Variants in DPP4 observed in about 807,000 individuals in gnomAD.
DPP4 encodes dipeptidyl peptidase 4.
In DPP4, 93 loss-of-function variants were observed where a neutral mutation model predicts 122.4. That is an observed-to-expected ratio of 0.76 (90% CI 0.64 to 0.90). The LOEUF (loss-of-function observed/expected upper bound fraction) is 0.90, where lower values mean the gene tolerates loss of function less well. Among genes scored for constraint, DPP4 ranks in the 40% least tolerant of loss-of-function variants. The probability of loss-of-function intolerance (pLI) is 0.00; values close to 1 mark genes in which losing one functional copy is unlikely to be tolerated. For missense variants in DPP4, 914 were observed against 907.3 expected (o/e 1.01, Z -0.09); for synonymous variants, 321 against 302.9 (o/e 1.06, Z -0.62).
chr2:162,007,448 T>TA (rs984914575), intron 22 of DPP4, among the ~76,000 whole-genome samples: 4 of 152,070 alleles, frequency 2.6e-5, no homozygotes, highest in South Asian at 2.1e-4. Context: ...TGTAAACTTT[T>TA]AAAAAAATAT....
In DPP4 at chr2:162,073,692, A is replaced by C; in HGVS notation, c.7-206T>G. The C allele has an allele frequency of 4.5e-6, 3 of 659,600 alleles. No individual in the cohort carries two copies. In the South Asian group the frequency reaches 5.7e-5, roughly 13 times the overall value. The allele number at this position is 659,600 out of a possible 1,614,324, so 40.9% of individuals were successfully genotyped here. A position where few individuals can be genotyped will look rare whatever the true frequency, so the allele number is the denominator to read the frequency against. ...GGTGCCCTTGAACTTGTGCCTTCAGAGCACATTAGCGTTGGTTTCTCTACC... is the reference window on the plus strand; with the variant it reads ...GGTGCCCTTGAACTTGTGCCTTCAGCGCACATTAGCGTTGGTTTCTCTACC... On this transcript the variant is annotated intron_variant, in intron 1 of 25. Coordinates refer to ENST00000360534, the MANE Select transcript of DPP4 (RefSeq NM_001935.4).
At chr2:162,066,269 A>C (rs1316235143) in intron 2 of DPP4, among the ~76,000 whole-genome samples, 1 of 149,426 alleles carries the variant, frequency 6.7e-6, no homozygotes, top group Non-Finnish European at 1.5e-5. Flanking sequence ...TTTTAAACTT[A>C]TTTTCACCTC....
intron 3 of DPP4, among the ~76,000 whole-genome samples, 169 bp downstream of exon 3, chr2:162,047,234 C>G (rs1312168714): frequency 2.0e-5 from 3 of 151,902 alleles, no homozygotes; most frequent in Non-Finnish European, 4.4e-5. Flanking sequence ...TACTTGGGTT[C>G]CTTTCAGTCT....
At chr2:162,073,748 G>A (rs1380181626) in intron 1 of DPP4, among the ~76,000 whole-genome samples, 1 of 152,230 alleles carries the variant, frequency 6.6e-6, no homozygotes, top group African/African-American at 2.4e-5. Flanking sequence ...CGTTCTGTGA[G>A]TGGCTCTCCG....
intron 10 of DPP4, among the ~76,000 whole-genome samples, chr2:162,027,555 A>G (rs575557012): frequency 6.6e-4 from 101 of 152,252 alleles, no homozygotes; most frequent in African/African-American, 2.3e-3. Flanking sequence ...TGACATACAT[A>G]CAACATCTGA....
chr2:162,047,127 A>G, intron 3 of DPP4, 121 bp from the exon 4 acceptor site: 1 of 608,420 alleles, frequency 1.6e-6, no homozygotes, highest in Non-Finnish European at 2.9e-6. Flanking sequence ...AAGTTGAGAA[A>G]ACATGAATGA....
intron 23 of DPP4, 49 bp downstream of exon 23, chr2:162,005,696 A>T (rs1356411838): frequency 6.7e-7 from 1 of 1,491,734 alleles, no homozygotes; most frequent in Non-Finnish European, 9.2e-7. Context: ...AAGGTTCTTA[A>T]ACCACTTATA....
chr2:162,033,862 G>GTGTATATATA (rs1184597685), intron 9 of DPP4, among the ~76,000 whole-genome samples: 67 of 104,026 alleles, frequency 6.4e-4, no homozygotes, highest in Non-Finnish European at 9.3e-4. Context: ...CAGAATATGT[G>GTGTATATATA]TATATATATA....
chr2:162,013,424 T>C (rs915862654), intron 19 of DPP4, among the ~76,000 whole-genome samples: 2 of 152,156 alleles, frequency 1.3e-5, no homozygotes, highest in Non-Finnish European at 2.9e-5. Context: ...ATGTATCTTT[T>C]CCTTTCTTTG....
chr2:162,067,401 A>G (rs1684983916), intron 2 of DPP4, among the ~76,000 whole-genome samples: 1 of 152,056 alleles, frequency 6.6e-6, no homozygotes, highest in Admixed American at 6.6e-5. Context: ...TACTCCCTCT[A>G]CCTCAGTTAT....
At chr2:162,068,454 G>A (rs1685017751) in intron 2 of DPP4, among the ~76,000 whole-genome samples, 2 of 152,126 alleles carry the variant, frequency 1.3e-5, no homozygotes, top group Non-Finnish European at 2.9e-5. Flanking sequence ...ATAGTCATTG[G>A]AGCCAGCCTC....
intron 2 of DPP4, among the ~76,000 whole-genome samples, chr2:162,062,197 G>A (rs577985961): frequency 6.2e-4 from 95 of 152,162 alleles, no homozygotes; most frequent in African/African-American, 2.2e-3. Flanking sequence ...CGGGAGAATC[G>A]CTTGAAACTG....
chr2:161,999,977 G>T (rs1412182654), intron 23 of DPP4, among the ~76,000 whole-genome samples: 1 of 152,138 alleles, frequency 6.6e-6, no homozygotes, highest in Non-Finnish European at 1.5e-5. Flanking sequence ...AACTCATACT[G>T]CTGGTAAGTG....
chr2:162,028,386 C>T (rs754636561), intron 10 of DPP4, among the ~76,000 whole-genome samples: 1 of 152,134 alleles, frequency 6.6e-6, no homozygotes, highest in Non-Finnish European at 1.5e-5. Flanking sequence ...AAGCCAATGG[C>T]TCAATTGTAC....
chr2:162,017,455 C>T, intron 16 of DPP4: 1 of 320,852 alleles, frequency 3.1e-6, no homozygotes, highest in Non-Finnish European at 5.7e-6. Context: ...ACTTAATATA[C>T]TCATCTGCAA....
chr2:162,062,089 CA>C (rs946935770), intron 2 of DPP4, among the ~76,000 whole-genome samples: 3 of 132,142 alleles, frequency 2.3e-5, no homozygotes, highest in African/African-American at 8.6e-5. Context: ...GCCAACATGG[CA>C]AAACCCTGTC....
chr2:162,049,492 G>A (rs1684309005), intron 2 of DPP4, among the ~76,000 whole-genome samples: 1 of 151,678 alleles, frequency 6.6e-6, no homozygotes, highest in Non-Finnish European at 1.5e-5. Flanking sequence ...GGGGTTGGGG[G>A]TGGGCAGAGA....
chr2:162,046,978 A>G lies in DPP4; in HGVS notation c.222T>C (p.Asn74=), dbSNP rs775371898. Residue 74 remains asparagine, a synonymous_variant, in exon 4 of 26, where the codon AAT becomes AAC. Transcript: ENST00000360534. ...ATTCAGCATTGAATACCAAGATATT[A>G]TTTTCTTGTTTGTAGAGATATTCAT... ...SDHEYLYKQE[N]NILVFNAEYG... 4 of 1,596,740 alleles carry G rather than the reference A, an allele frequency of 2.5e-6. No homozygotes were observed. In the East Asian group the frequency reaches 6.7e-5, roughly 27 times the overall value.
intron 18 of DPP4, among the ~76,000 whole-genome samples, chr2:162,016,561 A>G (rs374318197): frequency 1.1e-3 from 164 of 152,386 alleles, no homozygotes; most frequent in African/African-American, 3.7e-3. Flanking sequence ...CCTTTTTGAC[A>G]GAATAAGTTT....
Sources: gnomAD v4.1 joint callset for allele counts (sites outside exome capture counted in the v4.1 genomes callset) on GRCh38, gnomAD v4.1.1 for gene constraint, MANE v1.5 for transcripts, NCBI Gene and HGNC (gene_info 2026-07-23, HGNC 2026-07-21) for gene names.